PNPLA4: variants seen among roughly 807,000 people sequenced by gnomAD.
PNPLA4 encodes patatin like domain 4, phospholipase and triacylglycerol lipase.
PNPLA4 carries 15 observed loss-of-function variants against 18.3 expected under a neutral mutation model. The ratio of observed to expected loss-of-function variants is 0.82; its 90% CI spans 0.55 to 1.26. PNPLA4 has a LOEUF of 1.26. PNPLA4 is among the 50% of genes most tolerant of loss of function. PNPLA4 has a pLI of 0.00. For synonymous variants in PNPLA4, 88 were observed against 85.6 expected, an observed-to-expected ratio of 1.03 and a Z score of -0.16; for missense variants, 229 against 196.8, an observed-to-expected ratio of 1.16 and a Z score of -0.98.
At position 7,900,664 on chromosome X, in the gene PNPLA4, G is replaced by A. The variant is rs1923500074; in HGVS notation, c.*22C>T. 1 of 1,070,935 alleles carries A rather than the reference G, an allele frequency of 9.3e-7. No homozygotes were observed. The highest frequency in any genetic ancestry group is 3.1e-5 in the East Asian group (1 of 32,186). The allele number at this position is 1,070,935 out of a possible 1,213,427, so 88.3% of individuals were successfully genotyped here. ...TCAAAAACTATCTAAAACGTGTTTT[G>A]CATTATAAACTTTTATGCATTTTAT... On this transcript the variant is annotated 3_prime_UTR_variant, in exon 7 of 7. Coordinates refer to ENST00000381042, the MANE Select transcript of PNPLA4 (RefSeq NM_004650.3).
chrX:7,916,281 T>C (rs1360628068), intron 4 of PNPLA4, among the ~76,000 whole-genome samples: 1 of 111,516 alleles, frequency 9.0e-6, no homozygotes, highest in East Asian at 2.8e-4. Flanking sequence ...TAAAATGTGT[T>C]TGGATTTCCT....
In PNPLA4 at chrX:7,917,822, A is replaced by G. The variant is rs983827063; in HGVS notation, c.411+3891T>C. 2.7e-5 allele frequency among the ~76,000 whole-genome samples: 3 copies of G among 111,436 alleles called. No homozygotes were observed. In the Admixed American group the frequency reaches 2.9e-4, roughly 11 times the overall value. ...AGGAGATTCAAAAACACGTCAAAAT[A>G]CACACACAGACACAAACACACAAGC... On this transcript the variant is annotated intron_variant, in intron 4 of 6. Transcript: ENST00000381042.
chrX:7,899,019 T>C lies in PNPLA4; in HGVS notation c.*1667A>G, dbSNP rs1923425526. The stretch of plus-strand genomic sequence containing the variant: ...ACTGAAAATTTACCTAGTGAATAAG[T>C]GGACATAACAATTGAGAATCTATCC... On this transcript the variant is annotated 3_prime_UTR_variant, in exon 7 of 7. Transcript: ENST00000381042. 1 of 111,803 alleles carries C rather than the reference T, an allele frequency of 8.9e-6. No individual in the cohort carries two copies. The highest frequency in any genetic ancestry group is 1.9e-5 in the Non-Finnish European group (1 of 53,160). 9.2% of individuals were successfully genotyped at this position (111,803 alleles called of 1,213,427 possible). A position where few individuals can be genotyped will look rare whatever the true frequency, so the allele number is the denominator to read the frequency against.
At chrX:7,920,360 T>C (rs1601650576) in intron 4 of PNPLA4, among the ~76,000 whole-genome samples, 1 of 112,029 alleles carries the variant, frequency 8.9e-6, no homozygotes, top group Non-Finnish European at 1.9e-5. Context: ...TGCCCAGCTC[T>C]TCCCTTGACA....
chrX:7,923,948 C>T (rs1924313801), intron 2 of PNPLA4, among the ~76,000 whole-genome samples: 1 of 111,507 alleles, frequency 9.0e-6, no homozygotes, highest in South Asian at 3.8e-4. Flanking sequence ...CTGTGGGAAG[C>T]TCCTGGGTGA....
intron 4 of PNPLA4, among the ~76,000 whole-genome samples, chrX:7,913,571 T>C (rs1923944017): frequency 8.9e-6 from 1 of 112,140 alleles, no homozygotes; most frequent in African/African-American, 3.2e-5. Context: ...AGGTAAGAAA[T>C]AGCCAAGTGT....
intron 5 of PNPLA4, among the ~76,000 whole-genome samples, chrX:7,904,314 T>C (rs960080495): frequency 8.0e-5 from 9 of 112,613 alleles, no homozygotes; most frequent in Admixed American, 7.5e-4. Flanking sequence ...GTGGGGTTAA[T>C]GACTGCTGTT....
chrX:7,920,467 G>A (rs764922569), intron 4 of PNPLA4, among the ~76,000 whole-genome samples: 19 of 112,081 alleles, frequency 1.7e-4, no homozygotes, highest in Non-Finnish European at 3.0e-4. Context: ...TAGGGATATC[G>A]AGGGAAAATA....
intron 4 of PNPLA4, among the ~76,000 whole-genome samples, chrX:7,913,215 T>C (rs754130122): frequency 8.9e-6 from 1 of 112,011 alleles, no homozygotes; most frequent in Non-Finnish European, 1.9e-5. Context: ...ATGTCTCCTG[T>C]TTCCTCATTA....
chrX:7,918,656 C>A (rs1924119731), intron 4 of PNPLA4, among the ~76,000 whole-genome samples: 1 of 111,241 alleles, frequency 9.0e-6, no homozygotes, highest in South Asian at 3.8e-4. Context: ...CCTCCTGTCT[C>A]CACCTAAGGG....
intron 4 of PNPLA4, among the ~76,000 whole-genome samples, chrX:7,918,181 C>T (rs1344520357): frequency 2.7e-5 from 3 of 111,189 alleles, no homozygotes; most frequent in African/African-American, 9.9e-5. Flanking sequence ...GGGAAGTAGA[C>T]CTGTATTAGT....
chrX:7,923,216 G>A (rs1210401431), intron 2 of PNPLA4, among the ~76,000 whole-genome samples: 1 of 112,041 alleles, frequency 8.9e-6, no homozygotes, highest in Non-Finnish European at 1.9e-5. Flanking sequence ...TTGAGATGAG[G>A]AGATAATCCT....
Position 7,905,918 on chromosome X carries a change from T to C in PNPLA4, c.478-3777A>G, listed in dbSNP as rs188008479. Among the ~76,000 whole-genome samples the C allele has an allele frequency of 7.1e-5, 8 of 112,577 alleles. No individual in the cohort carries two copies. In the East Asian group the frequency reaches 2.2e-3, roughly 32 times the overall value. The stretch of plus-strand genomic sequence containing the variant: ...AGTAGGTGTGTTGACAGAGACAATG[T>C]TGAAAGCATTTGCTATCTGATACTT... On this transcript the variant is annotated intron_variant, in intron 5 of 6. Coordinates refer to ENST00000381042, the MANE Select transcript of PNPLA4 (RefSeq NM_004650.3).
chrX:7,917,595 T>C (rs1469372966), intron 4 of PNPLA4, among the ~76,000 whole-genome samples: 2 of 112,136 alleles, frequency 1.8e-5, no homozygotes, highest in African/African-American at 6.5e-5. Flanking sequence ...CATAAAGGGC[T>C]TTATCATTTA....
In PNPLA4 at chrX:7,912,078, T is replaced by C; in HGVS notation, c.427A>G (p.Ser143Gly). The change falls in exon 5 of 7, where the codon AGT (serine) becomes GGT (glycine). Residue 143 changes from serine (S) to glycine (G), a missense_variant. By Grantham distance (56) the Ser-to-Gly change is moderately conservative. Transcript: ENST00000381042. ...EDLIKVLLAS[S>G]FVPIYAGLKL... is the part of the protein sequence containing the mutation. ...AGTCCTGCATAAATGGGCACAAAAC[T>C]GCTGGCTAGGAGGACCTAGATGGAT... is the stretch of plus-strand genomic sequence containing the variant. 1 of 1,203,272 alleles carries C rather than the reference T, an allele frequency of 8.3e-7. No individual in the cohort carries two copies. Among genetic ancestry groups the C allele is most frequent in the Non-Finnish European group, 1.1e-6 (1 of 888,554 alleles).
At chrX:7,922,899 A>G (rs1924276459) in intron 2 of PNPLA4, among the ~76,000 whole-genome samples, 2 of 112,221 alleles carry the variant, frequency 1.8e-5, no homozygotes, top group Admixed American at 1.9e-4. Flanking sequence ...TGTGCTCATG[A>G]GAGTCATAAG....
chrX:7,925,737 T>C (rs207478098), intron 2 of PNPLA4, among the ~76,000 whole-genome samples: 1 of 112,442 alleles, frequency 8.9e-6, no homozygotes, highest in African/African-American at 3.2e-5. Flanking sequence ...TTTCCTTATT[T>C]CACTATCACC....
intron 3 of PNPLA4, 39 bp from the exon 4 acceptor site, chrX:7,921,887 T>C: frequency 8.6e-7 from 1 of 1,159,151 alleles, no homozygotes; most frequent in Non-Finnish European, 1.2e-6. Flanking sequence ...TCACCTTTAA[T>C]TATTGAACTC....
rs973020146 is a variant in PNPLA4 at position 7,914,030 on chromosome X, T to C, written c.412-1937A>G. ...TCTCAATCGCTTGTTTATTGAAATA[T>C]TGAAAGCATGCTAATTTGCAGCACT... On this transcript the variant is annotated intron_variant, in intron 4 of 6. Coordinates refer to ENST00000381042, the MANE Select transcript of PNPLA4 (RefSeq NM_004650.3). Among the ~76,000 whole-genome samples, 3 of 112,489 alleles carry C rather than the reference T, an allele frequency of 2.7e-5. No homozygotes were observed. In the Admixed American group the frequency reaches 2.8e-4, roughly 11 times the overall value.
Sources: allele counts gnomAD v4.1 joint callset (sites outside exome capture counted in the v4.1 genomes callset), GRCh38; gene constraint gnomAD v4.1.1; transcripts MANE v1.5; gene names NCBI Gene and HGNC (gene_info 2026-07-23, HGNC 2026-07-21).